Variants in MYH14 observed in about 807,000 individuals in gnomAD.
The protein encoded by MYH14 is myosin heavy chain 14, also known as myosin-14.
MYH14 carries 123 observed loss-of-function variants against 255.5 expected under a neutral mutation model. That is an observed-to-expected ratio of 0.48 (90% CI 0.42 to 0.56). MYH14 has a LOEUF of 0.56. MYH14 is among the 20% of genes least tolerant of loss of function. The pLI is 0.00. For synonymous variants in MYH14, 1,095 were observed against 1,161.2 expected, an observed-to-expected ratio of 0.94 and a Z score of 1.16; for missense variants, 2,423 against 2,802.3, an observed-to-expected ratio of 0.86 and a Z score of 3.06.
rs943946426 is a variant in MYH14, at chr19:50,309,701, G to A, written c.6022G>A (p.Val2008Met). Residue 2008 changes from valine (V) to methionine (M), a missense_variant, in exon 43 of 43, where the codon GTG becomes ATG. Transcript: ENST00000642316. ...CCAGGTCTTCCGACTAGAGGAGGGC[G>A]TGGCATCCGACGAGGAGGCAGAGGA... ...VRQVFRLEEG[V>M]ASDEEAEEAQ... 11 of 1,607,848 alleles carry A rather than the reference G, an allele frequency of 6.8e-6. No homozygotes were observed. In the East Asian group the frequency reaches 9.0e-5, roughly 13 times the overall value.
At chr19:50,285,165 G>A (rs894587025) in intron 33 of MYH14, 1 of 152,016 alleles carries the variant, frequency 6.6e-6, no homozygotes, top group Non-Finnish European at 1.5e-5. Context: ...CAATATGCTG[G>A]AATTACAAGC....
At chr19:50,300,388 A>G (rs2036438645) in intron 39 of MYH14, among the ~76,000 whole-genome samples, 1 of 152,206 alleles carries the variant, frequency 6.6e-6, no homozygotes, top group Non-Finnish European at 1.5e-5. Flanking sequence ...AACTAGCAGA[A>G]TATTTATTAC....
Position 50,276,909 on chromosome 19 carries a change from G to A in MYH14, c.3825+8G>A, listed in dbSNP as rs575299477. 1.2e-6 allele frequency: 2 copies of A among 1,601,328 alleles called. No individual in the cohort carries two copies. The highest frequency in any genetic ancestry group is 2.2e-5 in the South Asian group (2 of 90,086). On this transcript the variant is annotated splice_region_variant and intron_variant, in intron 29 of 42. Transcript: ENST00000642316. The surrounding 1 kb of genome is among the most constrained non-coding windows in gnomAD (Gnocchi z 4.3). The stretch of plus-strand genomic sequence containing the variant: ...CTGGAGCAGGCCCGGAGGGTGGGTT[G>A]GGGCAGGGGGACAGGGCAGGGGGGC...
In MYH14 at chr19:50,213,695, A is replaced by G. The variant is rs138943099; in HGVS notation, c.405+2925A>G. Among the ~76,000 whole-genome samples, 1,150 of 152,308 alleles carry G rather than the reference A, an allele frequency of 7.6e-3. 17 individuals are homozygous for G. The highest frequency in any genetic ancestry group is 0.026 in the African/African-American group (1,084 of 41,578). On this transcript the variant is annotated intron_variant, in intron 2 of 42. Coordinates refer to ENST00000642316, the MANE Select transcript of MYH14 (RefSeq NM_001145809.2). ...TCTTATTGACCCCCTCCCCATCCAC[A>G]TAAGGTTGTGAGGTAGGGATTATCA... is the stretch of plus-strand genomic sequence containing the variant.
chr19:50,209,151 T>C (rs10406070), intron 1 of MYH14, among the ~76,000 whole-genome samples: 9,914 of 152,092 alleles, frequency 0.065, 490 homozygotes, highest in African/African-American at 0.14. Context: ...GAGTGAAACC[T>C]CATCTCAAAA....
At chr19:50,275,525 C>T (rs2035471344) in intron 27 of MYH14, among the ~76,000 whole-genome samples, 2 of 152,178 alleles carry the variant, frequency 1.3e-5, no homozygotes, top group South Asian at 4.1e-4. Context: ...GCTAAGAAAA[C>T]TGAGGTTCGA....
intron 2 of MYH14, among the ~76,000 whole-genome samples, chr19:50,211,037 G>C (rs1354716626): frequency 6.6e-6 from 1 of 152,178 alleles, no homozygotes; most frequent in Non-Finnish European, 1.5e-5. Context: ...CAATTTCTCA[G>C]ATATAGCTCA....
intron 40 of MYH14, among the ~76,000 whole-genome samples, chr19:50,305,106 A>T (rs559702383): frequency 5.3e-5 from 8 of 152,066 alleles, no homozygotes; most frequent in Admixed American, 4.6e-4. Flanking sequence ...GAGCCATGGG[A>T]AGGCTGTGGG....
rs544513212 is a variant in MYH14 at position 50,291,690 on chromosome 19, C to A, written c.5128-571C>A. ...TACCAGCCTGGCCAATATGGTGAAACCCTGTTTCTACTAAAAATACAAGAA... is the reference window on the plus strand; with the variant it reads ...TACCAGCCTGGCCAATATGGTGAAAACCTGTTTCTACTAAAAATACAAGAA... On this transcript the variant is annotated intron_variant, in intron 36 of 42. Coordinates refer to ENST00000642316, the MANE Select transcript of MYH14 (RefSeq NM_001145809.2). Among the ~76,000 whole-genome samples, 50 of 152,030 alleles carry A rather than the reference C, an allele frequency of 3.3e-4. No individual in the cohort carries two copies. The South Asian group carries it at 8.7e-3, about 27-fold the overall frequency.
At chr19:50,238,414 G>C (rs1384978227) in intron 10 of MYH14, among the ~76,000 whole-genome samples, 1 of 152,158 alleles carries the variant, frequency 6.6e-6, no homozygotes, top group Non-Finnish European at 1.5e-5. Flanking sequence ...CTGTGGGTCT[G>C]TAAGGATGTG....
chr19:50,281,378 C>T (rs969804682), intron 32 of MYH14, among the ~76,000 whole-genome samples: 4 of 152,214 alleles, frequency 2.6e-5, no homozygotes, highest in African/African-American at 9.6e-5. Flanking sequence ...TCTGATTCAC[C>T]TCTGCATCTT....
At chr19:50,306,088 G>A (rs2036642842) in intron 40 of MYH14, among the ~76,000 whole-genome samples, 1 of 152,156 alleles carries the variant, frequency 6.6e-6, no homozygotes, top group Admixed American at 6.5e-5. Context: ...AGACCAGCCT[G>A]ACCAACATGG....
At chr19:50,285,182 C>T (rs2035854518) in intron 33 of MYH14, 1 of 152,134 alleles carries the variant, frequency 6.6e-6, no homozygotes. Flanking sequence ...AAGCATAAGC[C>T]ACTGCACCAG....
At chr19:50,263,546 G>C in intron 22 of MYH14, 126 bp downstream of exon 22, 1 of 550,094 alleles carries the variant, frequency 1.8e-6, no homozygotes, top group Non-Finnish European at 3.0e-6. Flanking sequence ...GGGCCAGTCG[G>C]CCCAGGCTTT....
At chr19:50,227,516 C>CA (rs980522257) in intron 8 of MYH14, among the ~76,000 whole-genome samples, 4 of 152,072 alleles carry the variant, frequency 2.6e-5, no homozygotes, top group Admixed American at 1.3e-4. Flanking sequence ...AGCAGGTGAT[C>CA]AGTGTAAACC....
intron 30 of MYH14, among the ~76,000 whole-genome samples, chr19:50,279,823 C>T (rs1482854329): frequency 1.3e-5 from 2 of 152,186 alleles, no homozygotes; most frequent in African/African-American, 4.8e-5. Flanking sequence ...TCTGCATAGA[C>T]CTATGCGTTC....
intron 24 of MYH14, among the ~76,000 whole-genome samples, chr19:50,270,474 C>T (rs73070934): frequency 0.36 from 52,055 of 144,562 alleles, 9,791 homozygotes; most frequent in East Asian, 0.56. Flanking sequence ...TGAGCCAAGA[C>T]TGCACCATTG....
intron 20 of MYH14, 33 bp downstream of exon 20, chr19:50,260,748 C>CGTGTGTGCGT (rs2034797208): frequency 3.8e-6 from 5 of 1,318,728 alleles, no homozygotes; most frequent in Non-Finnish European, 4.2e-6. Flanking sequence ...TGCGTGTGTG[C>CGTGTGTGCGT]GTGTGTGTGT....
rs568706455 is a variant in MYH14 at position 50,230,821 on chromosome 19, C to T, written c.973+198C>T. On this transcript the variant is annotated intron_variant, in intron 9 of 42. Coordinates refer to ENST00000642316, the MANE Select transcript of MYH14 (RefSeq NM_001145809.2). The surrounding 1 kb of genome is among the most constrained non-coding windows in gnomAD (Gnocchi z 4.7). ...CGGTGGGTTCTGCTGCGCTCTGGTT[C>T]CAGCTCTGTCCCGGGTCTGGCTCGC... The T allele has an allele frequency of 4.3e-4, 247 of 579,830 alleles. 4 individuals are homozygous for T. The South Asian group carries it at 5.1e-3, about 12-fold the overall frequency. 35.9% of individuals were successfully genotyped at this position (579,830 alleles called of 1,614,324 possible).
Sources: gnomAD v4.1 joint callset for allele counts (sites outside exome capture counted in the v4.1 genomes callset) on GRCh38, gnomAD v4.1.1 for gene constraint, Gnocchi (gnomAD v3.1) non-coding constraint, MANE v1.5 for transcripts, NCBI Gene and HGNC (gene_info 2026-07-23, HGNC 2026-07-21) for gene names.